Variants in KHDRBS2 observed in about 807,000 individuals in gnomAD.
The protein encoded by KHDRBS2 is KH RNA binding domain containing, signal transduction associated 2, also known as KH domain-containing, RNA-binding, signal transduction-associated protein 2.
A neutral mutation model predicts 44.3 loss-of-function variants in KHDRBS2; 26 were observed. That is an observed-to-expected ratio of 0.59 (90% CI 0.43 to 0.81). KHDRBS2 has a LOEUF of 0.81. KHDRBS2 is among the 40% of genes least tolerant of loss of function. The pLI is 0.00. For missense variants in KHDRBS2, 476 were observed against 433.1 expected (o/e 1.10, Z -0.88); for synonymous variants, 194 against 151.1 (o/e 1.28, Z -2.08).
intron 2 of KHDRBS2, among the ~76,000 whole-genome samples, chr6:62,121,402 A>G (rs1454074920): frequency 2.6e-5 from 4 of 152,178 alleles, no homozygotes; most frequent in Non-Finnish European, 4.4e-5. Context: ...TCCTGTTCAT[A>G]AGACAGATAG....
At chr6:62,054,736 A>G (rs1789878582) in intron 2 of KHDRBS2, among the ~76,000 whole-genome samples, 3 of 152,052 alleles carry the variant, frequency 2.0e-5, no homozygotes, top group Non-Finnish European at 2.9e-5. Context: ...ATTCTGCCCT[A>G]GAGCCTCTTA....
At chr6:61,694,214 C>T (rs940471809) in intron 8 of KHDRBS2, among the ~76,000 whole-genome samples, 1 of 152,160 alleles carries the variant, frequency 6.6e-6, no homozygotes, top group African/African-American at 2.4e-5. Flanking sequence ...AGATTGTTCA[C>T]TACAACATCT....
chr6:61,577,738 T>C, the KHDRBS2 span, among the ~76,000 whole-genome samples: 1 of 152,136 alleles, frequency 6.6e-6, no homozygotes, highest in Non-Finnish European at 1.5e-5. Flanking sequence ...ATAGAAATAG[T>C]ATTCTTACAG....
intron 6 of KHDRBS2, among the ~76,000 whole-genome samples, chr6:61,749,405 C>T (rs1254513030): frequency 6.6e-6 from 1 of 152,104 alleles, no homozygotes; most frequent in African/African-American, 2.4e-5. Context: ...ATGAAAATAG[C>T]TGATCAGAAA....
At chr6:62,096,643 G>T (rs1446909399) in intron 2 of KHDRBS2, among the ~76,000 whole-genome samples, 1 of 151,540 alleles carries the variant, frequency 6.6e-6, no homozygotes, top group Non-Finnish European at 1.5e-5. Context: ...AGTCAATTTT[G>T]TTTATCTTTT....
At chr6:62,229,102 G>A (rs1241753385) in intron 1 of KHDRBS2, among the ~76,000 whole-genome samples, 2 of 152,170 alleles carry the variant, frequency 1.3e-5, no homozygotes, top group Admixed American at 6.5e-5. Flanking sequence ...AGAATTAGCA[G>A]GAGGAAAGTC....
chr6:61,776,772 G>A (rs1269114345), intron 6 of KHDRBS2, among the ~76,000 whole-genome samples: 1 of 152,148 alleles, frequency 6.6e-6, no homozygotes. Flanking sequence ...ATTAAACCCA[G>A]TCATCCCATT....
chr6:62,020,825 A>G (rs1782129259), intron 3 of KHDRBS2, among the ~76,000 whole-genome samples: 1 of 151,998 alleles, frequency 6.6e-6, no homozygotes, highest in South Asian at 2.1e-4. Flanking sequence ...TTAAATTTCA[A>G]GTGTGCATCT....
At chr6:61,634,633 T>G in the KHDRBS2 span, among the ~76,000 whole-genome samples, 1 of 152,052 alleles carries the variant, frequency 6.6e-6, no homozygotes, top group Admixed American at 6.6e-5. Flanking sequence ...CAATTTATTT[T>G]AGGAAAGCAT....
intron 4 of KHDRBS2, among the ~76,000 whole-genome samples, chr6:61,944,643 A>G (rs563929388): frequency 2.6e-4 from 39 of 152,278 alleles, no homozygotes; most frequent in Non-Finnish European, 4.6e-4. Context: ...CAAAATAGCT[A>G]GAAGAGAGGA....
At chr6:61,969,138 T>C (rs1409085892) in intron 4 of KHDRBS2, among the ~76,000 whole-genome samples, 1 of 152,022 alleles carries the variant, frequency 6.6e-6, no homozygotes, top group Non-Finnish European at 1.5e-5. Context: ...CTGGGCTTAA[T>C]GCAAGGGTAG....
chr6:61,785,800 A>G (rs777761032), intron 6 of KHDRBS2, among the ~76,000 whole-genome samples: 2 of 152,148 alleles, frequency 1.3e-5, no homozygotes, highest in African/African-American at 2.4e-5. Flanking sequence ...AGAGAAAACA[A>G]AAGTATATAC....
the KHDRBS2 span, among the ~76,000 whole-genome samples, chr6:61,673,956 C>T: frequency 1.3e-4 from 20 of 151,490 alleles, no homozygotes; most frequent in East Asian, 7.9e-4. Context: ...AAAAAGAGCC[C>T]GCATCGCCAA....
chr6:61,726,968 A>G (rs986766845), intron 7 of KHDRBS2, among the ~76,000 whole-genome samples: 2 of 152,176 alleles, frequency 1.3e-5, no homozygotes, highest in Admixed American at 6.6e-5. Flanking sequence ...TAGCCAAGAG[A>G]ATCCTAAGCA....
intron 4 of KHDRBS2, among the ~76,000 whole-genome samples, chr6:61,969,602 T>C (rs1770883475): frequency 6.6e-6 from 1 of 152,034 alleles, no homozygotes; most frequent in Admixed American, 6.6e-5. Context: ...TATCCTGGCT[T>C]ATAAAGTGTC....
chr6:62,099,818 T>C (rs1340132608), intron 2 of KHDRBS2, among the ~76,000 whole-genome samples: 2 of 152,176 alleles, frequency 1.3e-5, no homozygotes, highest in Non-Finnish European at 2.9e-5. Flanking sequence ...ACACACCTAA[T>C]CACCCAAGAA....
At chr6:62,136,058 A>C (rs1163774856) in intron 2 of KHDRBS2, among the ~76,000 whole-genome samples, 1 of 150,404 alleles carries the variant, frequency 6.6e-6, no homozygotes, top group African/African-American at 2.5e-5. Context: ...TATTCTCACC[A>C]CAAAAAAAAA....
At chr6:62,107,570 C>A (rs899810904) in intron 2 of KHDRBS2, among the ~76,000 whole-genome samples, 1 of 152,154 alleles carries the variant, frequency 6.6e-6, no homozygotes, top group East Asian at 1.9e-4. Flanking sequence ...CAATGACTTT[C>A]TTCACAGAAT....
intron 1 of KHDRBS2, among the ~76,000 whole-genome samples, chr6:62,252,125 T>C (rs930819711): frequency 6.6e-6 from 1 of 151,880 alleles, no homozygotes; most frequent in Non-Finnish European, 1.5e-5. Context: ...CCTTCAGGTT[T>C]TGATATTTTT....
Sources: allele counts gnomAD v4.1 joint callset (sites outside exome capture counted in the v4.1 genomes callset), GRCh38; gene constraint gnomAD v4.1.1; transcripts MANE v1.5; gene names NCBI Gene and HGNC (gene_info 2026-07-23, HGNC 2026-07-21).